CDK14: variants seen among roughly 807,000 people sequenced by gnomAD.
The protein encoded by CDK14 is cyclin-dependent kinase 14.
Under a neutral mutation model 60.7 loss-of-function variants are expected in CDK14, and 34 were observed. The observed-to-expected ratio is 0.56, with a 90% CI of 0.43 to 0.75. The LOEUF (loss-of-function observed/expected upper bound fraction) is 0.75, where lower values mean the gene tolerates loss of function less well. CDK14 is among the 30% of genes least tolerant of loss of function. The pLI is 0.00. For missense variants in CDK14, 482 were observed against 564.1 expected (o/e 0.85, Z 1.47); for synonymous variants, 197 against 203.7 (o/e 0.97, Z 0.28).
rs1158986772 is a variant in CDK14, at chr7:90,737,720, C to G, written c.370-9961C>G. 4.6e-5 allele frequency among the ~76,000 whole-genome samples: 7 copies of G among 152,160 alleles called. No homozygotes were observed. The East Asian group carries it at 1.3e-3, about 29-fold the overall frequency. On this transcript the variant is annotated intron_variant, in intron 3 of 14. Transcript: ENST00000380050. ...ATCAAAGGCAAAATAAAAATTAGCC[C>G]AGTCAGGTTTGACTTTAAATCCTTA...
At chr7:90,970,062 G>C (rs1184032397) in intron 9 of CDK14, among the ~76,000 whole-genome samples, 1 of 151,438 alleles carries the variant, frequency 6.6e-6, no homozygotes, top group East Asian at 1.9e-4. Flanking sequence ...CGCCTCCCAG[G>C]TTTAAGCGAT....
chr7:91,161,964 C>G (rs1801178185), intron 14 of CDK14, among the ~76,000 whole-genome samples: 1 of 152,132 alleles, frequency 6.6e-6, no homozygotes, highest in Non-Finnish European at 1.5e-5. Context: ...AGTAATAAAA[C>G]CTACACGGAA....
chr7:90,878,072 CTGTG>C (rs142735469), intron 6 of CDK14, among the ~76,000 whole-genome samples: 4 of 147,770 alleles, frequency 2.7e-5, no homozygotes, highest in African/African-American at 5.0e-5. Context: ...CATTGTGTGG[CTGTG>C]TGTGTGTGTG....
At chr7:90,986,819 C>G (rs1266578484) in intron 10 of CDK14, among the ~76,000 whole-genome samples, 2 of 151,794 alleles carry the variant, frequency 1.3e-5, no homozygotes, top group Non-Finnish European at 2.9e-5. Context: ...ATTTTCTGAA[C>G]TTTAGACTCC....
chr7:90,794,973 C>T (rs913419799), intron 5 of CDK14, among the ~76,000 whole-genome samples: 8 of 152,210 alleles, frequency 5.3e-5, no homozygotes, highest in African/African-American at 9.6e-5. Flanking sequence ...TGGCTTCAGC[C>T]GGTCCCTCTG....
chr7:91,105,549 C>T (rs1233674727), intron 12 of CDK14, among the ~76,000 whole-genome samples: 3 of 152,164 alleles, frequency 2.0e-5, no homozygotes, highest in Non-Finnish European at 4.4e-5. Flanking sequence ...ATTGGGAGAG[C>T]CTCAGGCCTT....
chr7:90,917,493 A>G, intron 7 of CDK14, 108 bp from the exon 8 acceptor site: 1 of 1,001,842 alleles, frequency 1.0e-6, no homozygotes, highest in Admixed American at 2.4e-5. Context: ...AAATTTGGTG[A>G]TGGTTACCCA....
At chr7:90,736,350 G>GTTTTT (rs869290471) in intron 3 of CDK14, among the ~76,000 whole-genome samples, 25 of 50,262 alleles carry the variant, frequency 5.0e-4, no homozygotes, top group Non-Finnish European at 5.1e-4. Context: ...TTATGTTTTT[G>GTTTTT]TTTTTTTTTT....
intron 2 of CDK14, among the ~76,000 whole-genome samples, chr7:90,671,484 A>T (rs1013053379): frequency 6.6e-6 from 1 of 152,164 alleles, no homozygotes; most frequent in Non-Finnish European, 1.5e-5. Context: ...AGGCAAACCA[A>T]TGTTAGGTCC....
At chr7:90,966,222 T>TA (rs570299008) in intron 9 of CDK14, among the ~76,000 whole-genome samples, 21 of 151,726 alleles carry the variant, frequency 1.4e-4, no homozygotes, top group East Asian at 3.9e-4. Context: ...ACCTTCTATT[T>TA]AAAAAAAAAT....
rs1325353186 is a variant in CDK14, at chr7:90,954,781, C to T, written c.827-916C>T. ...CTGGGACTACAGGCGCCCGCCACTA[C>T]GCCCGGCTAATTTTTTTGTATTTTT... On this transcript the variant is annotated intron_variant, in intron 8 of 14. Coordinates refer to ENST00000380050, the MANE Select transcript of CDK14 (RefSeq NM_001287135.2). 8.0e-5 allele frequency among the ~76,000 whole-genome samples: 2 copies of T among 25,004 alleles called. 1 individual carries two copies. Among genetic ancestry groups the T allele is most frequent in the East Asian group, 1.4e-3 (2 of 1,430 alleles). 16.4% of individuals were successfully genotyped at this position (25,004 alleles called of 152,430 possible). A position where few individuals can be genotyped will look rare whatever the true frequency, so the allele number is the denominator to read the frequency against.
chr7:90,689,791 A>G (rs1160339861), intron 2 of CDK14, among the ~76,000 whole-genome samples: 1 of 152,200 alleles, frequency 6.6e-6, no homozygotes, highest in East Asian at 1.9e-4. Context: ...AAATGTATGG[A>G]ACTTAAATAC....
chr7:90,838,116 A>T (rs1790173505), intron 5 of CDK14, among the ~76,000 whole-genome samples: 1 of 152,200 alleles, frequency 6.6e-6, no homozygotes, highest in South Asian at 2.1e-4. Context: ...CGGCAGAAGA[A>T]CATAAATTGT....
At chr7:91,032,626 G>A (rs1282501562) in intron 10 of CDK14, among the ~76,000 whole-genome samples, 3 of 152,144 alleles carry the variant, frequency 2.0e-5, no homozygotes, top group East Asian at 1.9e-4. Context: ...GCCAAGTAAT[G>A]CCAGCACCCA....
chr7:91,141,858 C>T (rs1024242148), intron 14 of CDK14, among the ~76,000 whole-genome samples: 4 of 151,960 alleles, frequency 2.6e-5, no homozygotes, highest in Non-Finnish European at 5.9e-5. Context: ...TGGAGTCTCA[C>T]TCTGTCACCC....
intron 12 of CDK14, among the ~76,000 whole-genome samples, chr7:91,096,225 T>G (rs1353782749): frequency 2.0e-5 from 3 of 152,148 alleles, no homozygotes; most frequent in African/African-American, 7.2e-5. Context: ...ACAGAGGTTA[T>G]TGCACATTAC....
intron 12 of CDK14, among the ~76,000 whole-genome samples, chr7:91,080,042 T>C (rs911408399): frequency 6.6e-6 from 1 of 152,224 alleles, no homozygotes; most frequent in African/African-American, 2.4e-5. Context: ...TTGTAGTTAC[T>C]CAGGAGACTT....
At chr7:90,633,107 A>AAC (rs1174562974) in intron 2 of CDK14, among the ~76,000 whole-genome samples, 1 of 151,836 alleles carries the variant, frequency 6.6e-6, no homozygotes, top group African/African-American at 2.4e-5. Context: ...AAAAAAAAAA[A>AAC]AAATTGTTTT....
rs563043372 is a variant in CDK14, at chr7:90,671,323, T to G, written c.124-55244T>G. 2.2e-4 allele frequency among the ~76,000 whole-genome samples: 33 copies of G among 152,158 alleles called. No homozygotes were observed. In the East Asian group the frequency reaches 5.8e-3, roughly 27 times the overall value. ...TTTTCTTTTTTCGGGTCTTCATTACTGAGCCACCATCTCCCTTCTGCAACC... is the reference window on the plus strand; with the variant it reads ...TTTTCTTTTTTCGGGTCTTCATTACGGAGCCACCATCTCCCTTCTGCAACC... On this transcript the variant is annotated intron_variant, in intron 2 of 14. Transcript: ENST00000380050.
Sources: gnomAD v4.1 joint callset for allele counts (sites outside exome capture counted in the v4.1 genomes callset) on GRCh38, gnomAD v4.1.1 for gene constraint, MANE v1.5 for transcripts, NCBI Gene and HGNC (gene_info 2026-07-23, HGNC 2026-07-21) for gene names.